NKAIN3: variants seen among roughly 807,000 people sequenced by gnomAD.
NKAIN3 encodes the protein sodium/potassium-transporting ATPase subunit beta-1-interacting protein 3.
Under a neutral mutation model 30.2 loss-of-function variants are expected in NKAIN3, and 25 were observed. The observed-to-expected ratio is 0.83, with a 90% CI of 0.60 to 1.16. The LOEUF (loss-of-function observed/expected upper bound fraction) is 1.16, where lower values mean the gene tolerates loss of function less well. Among genes scored for constraint, NKAIN3 ranks in the 50% most tolerant of loss-of-function variants. NKAIN3 has a pLI of 0.00. For synonymous variants in NKAIN3, 91 were observed against 89.6 expected (o/e 1.02, Z -0.09); for missense variants, 225 against 254.1 (o/e 0.89, Z 0.78).
At chr8:62,750,894 C>T (rs550513468) in intron 4 of NKAIN3, among the ~76,000 whole-genome samples, 7 of 152,196 alleles carry the variant, frequency 4.6e-5, no homozygotes, top group Middle Eastern at 3.4e-3. Flanking sequence ...TGTTCATATG[C>T]TCATCACTTC....
intron 4 of NKAIN3, among the ~76,000 whole-genome samples, chr8:62,750,621 G>T (rs540083244): frequency 2.0e-5 from 3 of 152,232 alleles, no homozygotes; most frequent in African/African-American, 7.2e-5. Context: ...ATCCTCCCCC[G>T]GCTCTCAGGC....
chr8:62,889,584 T>C (rs1008117455), intron 4 of NKAIN3, among the ~76,000 whole-genome samples: 1 of 152,202 alleles, frequency 6.6e-6, no homozygotes, highest in East Asian at 1.9e-4. Flanking sequence ...CACTTTTGGA[T>C]AAGTATGTTT....
At chr8:62,994,500 G>A (rs1804056526) in intron 5 of NKAIN3, among the ~76,000 whole-genome samples, 1 of 152,228 alleles carries the variant, frequency 6.6e-6, no homozygotes, top group Non-Finnish European at 1.5e-5. Flanking sequence ...AGGCACCACA[G>A]ATCAAGGAAG....
intron 5 of NKAIN3, among the ~76,000 whole-genome samples, chr8:62,993,381 T>C (rs543154367): frequency 6.6e-5 from 10 of 152,172 alleles, no homozygotes; most frequent in Non-Finnish European, 1.0e-4. Context: ...CTTAAGAAAA[T>C]TGGAAAATTA....
intron 1 of NKAIN3, among the ~76,000 whole-genome samples, chr8:62,404,415 C>A (rs1314245535): frequency 6.6e-6 from 1 of 152,086 alleles, no homozygotes; most frequent in East Asian, 1.9e-4. Flanking sequence ...CCAATAATAC[C>A]AACATGTCCT....
chr8:62,568,289 T>G (rs1324824514), intron 1 of NKAIN3, among the ~76,000 whole-genome samples: 2 of 152,206 alleles, frequency 1.3e-5, no homozygotes, highest in Non-Finnish European at 2.9e-5. Flanking sequence ...CTGAGTTTAA[T>G]TAGTTGATCA....
chr8:62,777,917 G>T (rs1817237686), intron 4 of NKAIN3, among the ~76,000 whole-genome samples: 1 of 152,088 alleles, frequency 6.6e-6, no homozygotes, highest in African/African-American at 2.4e-5. Context: ...GTCAGCATTA[G>T]GAGACATTCC....
At chr8:62,992,989 C>T (rs1228574353) in intron 5 of NKAIN3, among the ~76,000 whole-genome samples, 1 of 152,042 alleles carries the variant, frequency 6.6e-6, no homozygotes, top group Non-Finnish European at 1.5e-5. Context: ...ATTCAGGGAC[C>T]CAGTCTCATT....
At position 62,805,799 on chromosome 8, in the gene NKAIN3, A is replaced by T. The variant is rs1305984397; in HGVS notation, c.471+58670A>T. Among the ~76,000 whole-genome samples the T allele has an allele frequency of 3.3e-5, 5 of 152,300 alleles. No homozygotes were observed. In the East Asian group the frequency reaches 9.7e-4, roughly 29 times the overall value. On this transcript the variant is annotated intron_variant, in intron 4 of 6. Transcript: ENST00000623646. ...ATGGCAACAAAAGCCAAAATGGACA[A>T]ATGGGATCTAATTAAACTAAAGAGC...
intron 1 of NKAIN3, among the ~76,000 whole-genome samples, chr8:62,561,455 A>T (rs1008060295): frequency 1.3e-5 from 2 of 152,194 alleles, no homozygotes; most frequent in African/African-American, 4.8e-5. Flanking sequence ...AATGAGGCAC[A>T]AATAAAAAGT....
chr8:62,455,064 CA>C (rs1805770865), intron 1 of NKAIN3, among the ~76,000 whole-genome samples: 2 of 152,182 alleles, frequency 1.3e-5, no homozygotes, highest in Non-Finnish European at 2.9e-5. Context: ...CAAAAGCACA[CA>C]CAGAAAGATG....
chr8:62,958,316 T>C (rs981488383), intron 6 of NKAIN3, among the ~76,000 whole-genome samples: 1 of 152,134 alleles, frequency 6.6e-6, no homozygotes, highest in African/African-American at 2.4e-5. Flanking sequence ...GGTGGTTATC[T>C]GGGTCTGGCC....
At chr8:62,932,038 C>T (rs1032752452) in intron 5 of NKAIN3, among the ~76,000 whole-genome samples, 30 of 152,120 alleles carry the variant, frequency 2.0e-4, no homozygotes, top group Admixed American at 1.9e-3. Flanking sequence ...CATTTATAGT[C>T]CAGAGGCAAA....
intron 4 of NKAIN3, among the ~76,000 whole-genome samples, chr8:62,795,084 A>C (rs1339974509): frequency 2.0e-5 from 3 of 152,162 alleles, no homozygotes; most frequent in Non-Finnish European, 4.4e-5. Flanking sequence ...ATAATTAATC[A>C]ACTCTAAAGA....
intron 6 of NKAIN3, among the ~76,000 whole-genome samples, chr8:62,961,381 A>C (rs1346484390): frequency 6.6e-6 from 1 of 152,188 alleles, no homozygotes; most frequent in Non-Finnish European, 1.5e-5. Flanking sequence ...CCATAAAGTC[A>C]AGCCTGACCT....
intron 1 of NKAIN3, among the ~76,000 whole-genome samples, chr8:62,503,346 G>T (rs946429285): frequency 1.3e-5 from 2 of 152,158 alleles, no homozygotes; most frequent in Non-Finnish European, 2.9e-5. Context: ...GCTTCAAGGG[G>T]CAAAAGGCAG....
intron 4 of NKAIN3, among the ~76,000 whole-genome samples, chr8:62,869,999 T>C (rs539094421): frequency 8.4e-4 from 128 of 151,836 alleles, no homozygotes; most frequent in African/African-American, 3.0e-3. Flanking sequence ...CTCGATCTCC[T>C]GACCTCGTGA....
intron 4 of NKAIN3, among the ~76,000 whole-genome samples, chr8:62,898,650 T>A (rs1821511072): frequency 6.6e-6 from 1 of 151,858 alleles, no homozygotes. Context: ...TTAGGAAAAC[T>A]CCCCAGGACA....
At chr8:62,707,052 T>TATACACACAC (rs1554568660) in intron 3 of NKAIN3, among the ~76,000 whole-genome samples, 1 of 99,166 alleles carries the variant, frequency 1.0e-5, no homozygotes, top group African/African-American at 3.0e-5. Context: ...CCATCATACA[T>TATACACACAC]ACATACACAC....
Sources: gnomAD v4.1 joint callset for allele counts (sites outside exome capture counted in the v4.1 genomes callset) on GRCh38, gnomAD v4.1.1 for gene constraint, MANE v1.5 for transcripts, NCBI Gene and HGNC (gene_info 2026-07-23, HGNC 2026-07-21) for gene names.